Variants in ANO10 observed in about 807,000 individuals in gnomAD.
The protein encoded by ANO10 is anoctamin-10.
In ANO10, 77 loss-of-function variants were observed where a neutral mutation model predicts 74.7. The observed-to-expected ratio is 1.03, with a 90% CI of 0.86 to 1.25. The LOEUF is 1.25. Ranked by LOEUF, ANO10 falls within the 50% of genes most tolerant of loss-of-function variation. The probability of loss-of-function intolerance (pLI) is 0.00; values close to 1 mark genes in which losing one functional copy is unlikely to be tolerated. For synonymous variants in ANO10, 279 were observed against 284.9 expected, an observed-to-expected ratio of 0.98 and a Z score of 0.21; for missense variants, 721 against 778.1, an observed-to-expected ratio of 0.93 and a Z score of 0.87.
At chr3:43,558,359 T>TGCAGTTGGATATGAGTGG (rs530522486) in intron 9 of ANO10, among the ~76,000 whole-genome samples, 274 of 152,228 alleles carry the variant, frequency 1.8e-3, no homozygotes, top group African/African-American at 5.7e-3. Flanking sequence ...CACCCAGCTA[T>TGCAGTTGGATATGAGTGG]GCAGTTGGAT....
intron 1 of ANO10, among the ~76,000 whole-genome samples, chr3:43,646,064 T>G (rs963577798): frequency 2.0e-5 from 3 of 152,142 alleles, no homozygotes; most frequent in African/African-American, 4.8e-5. Context: ...CGCCTCAGTC[T>G]CCCAAAGTGT....
intron 1 of ANO10, among the ~76,000 whole-genome samples, chr3:43,628,231 T>A (rs1374156664): frequency 6.6e-6 from 1 of 152,200 alleles, no homozygotes; most frequent in Non-Finnish European, 1.5e-5. Flanking sequence ...GAACATGGAT[T>A]GTGAAGATTT....
rs1376503820 is a variant in ANO10 at position 43,570,485 on chromosome 3, G to A, written c.1218+4324C>T. Among the ~76,000 whole-genome samples the A allele has an allele frequency of 2.0e-5, 3 of 152,232 alleles. No individual in the cohort carries two copies. In the South Asian group the frequency reaches 6.2e-4, roughly 32 times the overall value. On this transcript the variant is annotated intron_variant, in intron 7 of 12. Transcript: ENST00000292246. The stretch of plus-strand genomic sequence containing the variant: ...AGCATGGTACTGGTACCAAAACAGA[G>A]ATATAGATCAATGGAACAGAACAGA...
Position 43,444,906 on chromosome 3 carries a change from T to G in ANO10, c.1798-12179A>C, listed in dbSNP as rs547914926. ...TGGGAGGCCAAGGCGGGCGGATCACTAGGTCAGGAGATCGAGACCATCCTG... is the reference window on the plus strand; with the variant it reads ...TGGGAGGCCAAGGCGGGCGGATCACGAGGTCAGGAGATCGAGACCATCCTG... On this transcript the variant is annotated intron_variant, in intron 11 of 12. Coordinates refer to ENST00000292246, the MANE Select transcript of ANO10 (RefSeq NM_018075.5). Among the ~76,000 whole-genome samples, 154 of 151,984 alleles carry G rather than the reference T, an allele frequency of 1.0e-3. 1 individual carries two copies. Among genetic ancestry groups the G allele is most frequent in the South Asian group, 3.1e-3 (15 of 4,810 alleles).
chr3:43,594,708 G>A lies in ANO10; in HGVS notation c.472+3824C>T, dbSNP rs190891423. 6.8e-4 allele frequency among the ~76,000 whole-genome samples: 104 copies of A among 152,214 alleles called. No homozygotes were observed. In the East Asian group the frequency reaches 0.015, roughly 22 times the overall value. ...TAACATCACAATTAAAAGAACTAGAGAAGCAAGAGCAAACACATGCAAAAG... is the reference window on the plus strand; with the variant it reads ...TAACATCACAATTAAAAGAACTAGAAAAGCAAGAGCAAACACATGCAAAAG... On this transcript the variant is annotated intron_variant, in intron 4 of 12. Coordinates refer to ENST00000292246, the MANE Select transcript of ANO10 (RefSeq NM_018075.5).
At chr3:43,391,135 AC>A (rs1395771662) in intron 12 of ANO10, among the ~76,000 whole-genome samples, 3 of 152,204 alleles carry the variant, frequency 2.0e-5, no homozygotes, top group Admixed American at 6.5e-5. Flanking sequence ...CCCTTTTACA[AC>A]CACTCATGTC....
rs61084802 is a variant in ANO10, at chr3:43,614,771, CTATATATATATA to C, written c.-12+7126_-12+7137del. ...CCCAAATTCTTAGAAGAAAACTAAA[CTATATATATATA>C]TATATATATATATATATATAGGTTC... On this transcript the variant is annotated intron_variant, in intron 1 of 12. Transcript: ENST00000292246. 5.3e-4 allele frequency among the ~76,000 whole-genome samples: 28 copies of C among 52,700 alleles called. 2 individuals are homozygous for C. Among genetic ancestry groups the C allele is most frequent in the Admixed American group, 6.3e-4 (3 of 4,730 alleles). The allele number at this position is 52,700 out of a possible 152,430, so 34.6% of individuals were successfully genotyped here.
intron 12 of ANO10, chr3:43,372,950 CTCT>C (rs1040986523): frequency 1.7e-6 from 2 of 1,163,726 alleles, no homozygotes; most frequent in African/African-American, 1.5e-5. Context: ...AGAGAAAAGC[CTCT>C]TTTCTCATGT....
chr3:43,642,449 A>T (rs1475200824), intron 1 of ANO10, among the ~76,000 whole-genome samples: 1 of 152,222 alleles, frequency 6.6e-6, no homozygotes, highest in African/African-American at 2.4e-5. Flanking sequence ...GTATAATTAA[A>T]GTACTGAAAT....
At chr3:43,387,733 C>A (rs575250557) in intron 12 of ANO10, among the ~76,000 whole-genome samples, 2 of 152,284 alleles carry the variant, frequency 1.3e-5, no homozygotes, top group South Asian at 4.2e-4. Flanking sequence ...CTAGGCACTG[C>A]CCCTTCTGTG....
chr3:43,573,607 T>A (rs2080849694), intron 7 of ANO10, among the ~76,000 whole-genome samples: 1 of 152,216 alleles, frequency 6.6e-6, no homozygotes, highest in Admixed American at 6.5e-5. Context: ...CTCACTTATG[T>A]TACAGATGAC....
intron 11 of ANO10, among the ~76,000 whole-genome samples, chr3:43,477,200 G>A (rs1328605702): frequency 6.6e-6 from 1 of 152,102 alleles, no homozygotes; most frequent in East Asian, 1.9e-4. Flanking sequence ...ATATTGAGAT[G>A]ATATGATGTT....
chr3:43,548,069 C>T (rs1390101996), intron 11 of ANO10, among the ~76,000 whole-genome samples: 1 of 152,200 alleles, frequency 6.6e-6, no homozygotes, highest in Non-Finnish European at 1.5e-5. Context: ...CTTCTAATAA[C>T]CAATCCACCT....
In ANO10 at chr3:43,555,312, A is replaced by G. The variant is rs751838756; in HGVS notation, c.1634T>C (p.Phe545Ser). ...LKMCRVFKRP[F>S]SEPSANIGVW... ...ACCAATATTGGCTGAAGGTTCTGAG[A>G]ATGGACGTTTGAAGACCCTGCACAT... Residue 545 changes from phenylalanine to serine, a missense_variant, in exon 10 of 13, where the codon TTC (phenylalanine) becomes TCC (serine). By Grantham distance (155) the Phe-to-Ser change is radical. Coordinates refer to ENST00000292246, the MANE Select transcript of ANO10 (RefSeq NM_018075.5). The G allele has an allele frequency of 6.2e-7, 1 of 1,614,130 alleles. No individual in the cohort carries two copies. The highest frequency in any genetic ancestry group is 1.1e-5 in the South Asian group (1 of 91,078).
chr3:43,514,195 C>T (rs2077620787), intron 11 of ANO10, among the ~76,000 whole-genome samples: 1 of 151,856 alleles, frequency 6.6e-6, no homozygotes, highest in Non-Finnish European at 1.5e-5. Flanking sequence ...AAAGGTTGAG[C>T]TTGTCAGATT....
chr3:43,522,075 T>A (rs1204384238), intron 11 of ANO10, among the ~76,000 whole-genome samples: 3 of 152,120 alleles, frequency 2.0e-5, no homozygotes, highest in Non-Finnish European at 4.4e-5. Context: ...TTTCTTTACA[T>A]GAAATGTCTA....
chr3:43,425,030 T>C (rs865857372), intron 12 of ANO10, among the ~76,000 whole-genome samples: 5 of 152,140 alleles, frequency 3.3e-5, no homozygotes, highest in African/African-American at 9.7e-5. Flanking sequence ...ACTGTGGCTA[T>C]TGGCTTTGTT....
chr3:43,408,828 G>T (rs148226750), intron 12 of ANO10, among the ~76,000 whole-genome samples: 29 of 151,388 alleles, frequency 1.9e-4, no homozygotes, highest in African/African-American at 3.9e-4. Flanking sequence ...TCAGGAATTC[G>T]AGATCAGCCT....
chr3:43,565,911 A>C (rs1011842422), intron 7 of ANO10, among the ~76,000 whole-genome samples, 184 bp from the exon 8 acceptor site: 15 of 152,110 alleles, frequency 9.9e-5, no homozygotes, highest in African/African-American at 3.4e-4. Context: ...TTCTGCATTT[A>C]CATCTGAGGT....
Sources: gnomAD v4.1 joint callset for allele counts (sites outside exome capture counted in the v4.1 genomes callset) on GRCh38, gnomAD v4.1.1 for gene constraint, MANE v1.5 for transcripts, NCBI Gene and HGNC (gene_info 2026-07-23, HGNC 2026-07-21) for gene names.